Variants in CIMIP1 observed in about 807,000 individuals in gnomAD.
The protein encoded by CIMIP1 is ciliary microtubule inner protein 1.
chr20:58,160,762 C>T, the CIMIP1 span: 2 of 1,614,104 alleles, frequency 1.2e-6, no homozygotes, highest in African/African-American at 2.7e-5. Flanking sequence ...ACGATGCGAT[C>T]AGAAGCTGCA....
chr20:58,160,779 C>T, the CIMIP1 span: 4 of 1,613,838 alleles, frequency 2.5e-6, no homozygotes, highest in Non-Finnish European at 3.4e-6. Flanking sequence ...TGCAAAGGTG[C>T]TTTTGCACGA....
At chr20:58,155,332 A>G in the CIMIP1 span, 1 of 640,812 alleles carries the variant, frequency 1.6e-6, no homozygotes, top group Non-Finnish European at 2.7e-6. Flanking sequence ...TGTCTATAAA[A>G]TGCGCCTTCT....
the CIMIP1 span, chr20:58,160,978 A>C: frequency 1.4e-6 from 1 of 735,886 alleles, no homozygotes; most frequent in Non-Finnish European, 2.1e-6. Flanking sequence ...TGCCTTAGAC[A>C]TTCTCAAGTC....
chr20:58,154,509 T>G, the CIMIP1 span, among the ~76,000 whole-genome samples: 1 of 152,236 alleles, frequency 6.6e-6, no homozygotes, highest in Non-Finnish European at 1.5e-5. Flanking sequence ...AAAGTATCTA[T>G]GATTCACAGC....
the CIMIP1 span, among the ~76,000 whole-genome samples, chr20:58,151,642 T>C: frequency 6.6e-6 from 1 of 152,148 alleles, no homozygotes; most frequent in Non-Finnish European, 1.5e-5. Context: ...CTTGAATTCC[T>C]GACGTCGTGA....
chr20:58,155,372 A>T, the CIMIP1 span: 3 of 974,238 alleles, frequency 3.1e-6, no homozygotes, highest in African/African-American at 1.6e-5. Flanking sequence ...ACACTCCCCC[A>T]GCTTCACCTG....
chr20:58,151,071 C>T, the CIMIP1 span: 2 of 1,551,380 alleles, frequency 1.3e-6, no homozygotes, highest in Non-Finnish European at 1.8e-6. Context: ...GGCTCCTGTT[C>T]TCACCTGAAG....
the CIMIP1 span, among the ~76,000 whole-genome samples, chr20:58,157,279 C>T: frequency 2.0e-5 from 3 of 152,222 alleles, no homozygotes; most frequent in East Asian, 1.9e-4. Flanking sequence ...ACTGCAGCCC[C>T]GGATATTATC....
At chr20:58,155,891 G>A in the CIMIP1 span, among the ~76,000 whole-genome samples, 6 of 152,180 alleles carry the variant, frequency 3.9e-5, no homozygotes, top group East Asian at 1.2e-3. Context: ...ACCCAGGCAG[G>A]GACTCTGGAA....
chr20:58,154,016 T>G, the CIMIP1 span, among the ~76,000 whole-genome samples: 317 of 152,320 alleles, frequency 2.1e-3, no homozygotes, highest in Non-Finnish European at 3.9e-3. Context: ...ATCTGTAAAG[T>G]GGGATGAGAG....
the CIMIP1 span, among the ~76,000 whole-genome samples, chr20:58,157,329 A>T: frequency 6.6e-6 from 1 of 152,216 alleles, no homozygotes; most frequent in Non-Finnish European, 1.5e-5. Context: ...GCTGAAGCTT[A>T]AAAAAGCTGA....
the CIMIP1 span, chr20:58,150,983 A>G: frequency 3.1e-6 from 5 of 1,608,588 alleles, no homozygotes; most frequent in Non-Finnish European, 2.5e-6. Flanking sequence ...GAAACCTCTC[A>G]GCACCGCGGC....
At chr20:58,153,703 T>C in the CIMIP1 span, 1 of 1,103,846 alleles carries the variant, frequency 9.1e-7, no homozygotes, top group Non-Finnish European at 1.4e-6. Flanking sequence ...GTCTATCACT[T>C]GCAAGAATAA....
chr20:58,151,106 C>T, the CIMIP1 span: 4 of 1,390,184 alleles, frequency 2.9e-6, no homozygotes, highest in African/African-American at 1.4e-5. Context: ...GTCTCAGTTT[C>T]CCCACCAAGT....
chr20:58,160,573 C>T, the CIMIP1 span: 1 of 1,422,872 alleles, frequency 7.0e-7, no homozygotes, highest in African/African-American at 1.4e-5. Flanking sequence ...TTCTTTCTGT[C>T]TTTTCCACCC....
At chr20:58,150,947 A>C in the CIMIP1 span, 1 of 1,596,006 alleles carries the variant, frequency 6.3e-7, no homozygotes, top group Non-Finnish European at 8.5e-7. Flanking sequence ...TGCGGGGCGC[A>C]CAGAGCCCCC....
the CIMIP1 span, among the ~76,000 whole-genome samples, chr20:58,156,871 G>A: frequency 6.6e-6 from 1 of 152,110 alleles, no homozygotes; most frequent in Non-Finnish European, 1.5e-5. Flanking sequence ...GAAGGCCGCA[G>A]GGCAGGAGGA....
chr20:58,159,533 A>G, the CIMIP1 span, among the ~76,000 whole-genome samples: 1 of 152,256 alleles, frequency 6.6e-6, no homozygotes, highest in Non-Finnish European at 1.5e-5. Context: ...AAAAAAAAAA[A>G]AAGATAATTG....
chr20:58,153,354 C>T, the CIMIP1 span, among the ~76,000 whole-genome samples: 689 of 152,296 alleles, frequency 4.5e-3, 7 homozygotes, highest in African/African-American at 0.016. Context: ...ATCTCTCTTT[C>T]GTTAGCCACG....
Sources: gnomAD v4.1 joint callset for allele counts (sites outside exome capture counted in the v4.1 genomes callset) on GRCh38, gnomAD v4.1.1 for gene constraint, MANE v1.5 for transcripts, NCBI Gene and HGNC (gene_info 2026-07-23, HGNC 2026-07-21) for gene names.